The following KIAA1217 variants were observed in gnomAD, a reference collection of about 807,000 sequenced individuals.
KIAA1217 encodes sickle tail protein homolog.
In KIAA1217, 88 loss-of-function variants were observed where a neutral mutation model predicts 163.9. That is an observed-to-expected ratio of 0.54 (90% CI 0.45 to 0.64). KIAA1217 has a LOEUF of 0.64. Among genes scored for constraint, KIAA1217 ranks in the 30% least tolerant of loss-of-function variants. The pLI is 0.00. For synonymous variants in KIAA1217, 903 were observed against 923.1 expected (o/e 0.98, Z 0.39); for missense variants, 2,372 against 2,475.0 (o/e 0.96, Z 0.88).
At chr10:24,154,016 G>A (rs1348601387) in intron 2 of KIAA1217, among the ~76,000 whole-genome samples, 1 of 149,536 alleles carries the variant, frequency 6.7e-6, no homozygotes, top group Non-Finnish European at 1.5e-5. Context: ...GGAGTGCAGT[G>A]GCGGGATCTC....
At chr10:23,758,003 G>A (rs1205671318) in intron 1 of KIAA1217, among the ~76,000 whole-genome samples, 1 of 152,016 alleles carries the variant, frequency 6.6e-6, no homozygotes, top group African/African-American at 2.4e-5. Context: ...CATTCTGTGG[G>A]TTGTCTTTTT....
At chr10:24,063,415 C>G (rs1345412774) in intron 2 of KIAA1217, among the ~76,000 whole-genome samples, 20 of 152,108 alleles carry the variant, frequency 1.3e-4, no homozygotes, top group African/African-American at 1.7e-4. Context: ...CCCATTTCTT[C>G]TTTTTGTCAG....
At chr10:23,762,225 T>C (rs1011623161) in intron 1 of KIAA1217, among the ~76,000 whole-genome samples, 1 of 152,062 alleles carries the variant, frequency 6.6e-6, no homozygotes, top group African/African-American at 2.4e-5. Flanking sequence ...TCTGAAATGA[T>C]TCCAAACAAT....
rs181407434 is a variant in KIAA1217 at position 24,234,350 on chromosome 10, C to T, written c.354+14441C>T. On this transcript the variant is annotated intron_variant, in intron 2 of 20. Transcript: ENST00000376454. ...TAACAGTTACTCAACCTGTAATGAG[C>T]GTGTTTATTAGAAACTACATACATA... Among the ~76,000 whole-genome samples the T allele has an allele frequency of 3.8e-3, 583 of 151,984 alleles. 2 individuals carry two copies. The highest frequency in any genetic ancestry group is 0.013 in the African/African-American group (539 of 41,476).
At position 23,763,252 on chromosome 10, in the gene KIAA1217, G is replaced by GA. The variant is rs1834350701; in HGVS notation, c.-321+68024dup. ...ACCATTGGCATTCTTCACAGAATTA[G>GA]AAAAAACTATTTTAAATTTCATATG... On this transcript the variant is annotated intron_variant, in intron 1 of 18. Transcript: ENST00000376462. Among the ~76,000 whole-genome samples the GA allele has an allele frequency of 5.3e-5, 8 of 152,254 alleles. No individual in the cohort carries two copies. The South Asian group carries it at 1.7e-3, about 32-fold the overall frequency.
At chr10:23,987,732 T>C (rs1589192435) in intron 1 of KIAA1217, among the ~76,000 whole-genome samples, 1 of 152,274 alleles carries the variant, frequency 6.6e-6, no homozygotes, top group South Asian at 2.1e-4. Context: ...GTGCAATAGA[T>C]CTCTTGAACG....
At chr10:24,035,212 G>A (rs1443317029) in intron 2 of KIAA1217, among the ~76,000 whole-genome samples, 1 of 152,132 alleles carries the variant, frequency 6.6e-6, no homozygotes, top group Non-Finnish European at 1.5e-5. Context: ...AGATAATAAT[G>A]GTGTCTACCT....
rs865809351 is a variant in KIAA1217 at position 24,350,875 on chromosome 10, G to A, written c.355-29994G>A. On this transcript the variant is annotated intron_variant, in intron 2 of 20. Coordinates refer to ENST00000376454, the MANE Select transcript of KIAA1217 (RefSeq NM_019590.5). ...TGATAAGATCTTAATTGCAAGGGTC[G>A]TTTTCATGGTGGATCATACCTAATA... 4.6e-5 allele frequency among the ~76,000 whole-genome samples: 7 copies of A among 150,608 alleles called. No individual in the cohort carries two copies. In the East Asian group the frequency reaches 5.8e-4, roughly 13 times the overall value.
At chr10:24,533,488 T>C (rs559387046) in intron 16 of KIAA1217, among the ~76,000 whole-genome samples, 2 of 152,252 alleles carry the variant, frequency 1.3e-5, no homozygotes, top group Non-Finnish European at 2.9e-5. Context: ...GGCTGTAAAA[T>C]TGACTTTCCT....
intron 1 of KIAA1217, among the ~76,000 whole-genome samples, chr10:23,831,278 GC>G (rs1838181003): frequency 6.7e-6 from 1 of 150,166 alleles, no homozygotes; most frequent in Admixed American, 6.6e-5. Flanking sequence ...AAACTGAAAA[GC>G]TTTTACACAG....
chr10:23,841,343 G>A (rs1838770569), intron 1 of KIAA1217, among the ~76,000 whole-genome samples: 3 of 152,202 alleles, frequency 2.0e-5, no homozygotes, highest in Admixed American at 2.0e-4. Context: ...TCCTGTTCAA[G>A]AAACAGCAAG....
chr10:23,863,348 G>A (rs558583198), intron 1 of KIAA1217, among the ~76,000 whole-genome samples: 1 of 152,294 alleles, frequency 6.6e-6, no homozygotes, highest in African/African-American at 2.4e-5. Context: ...CCAAAATTCA[G>A]TGTTTCCATT....
intron 2 of KIAA1217, among the ~76,000 whole-genome samples, chr10:24,068,628 C>A (rs1235756441): frequency 6.6e-6 from 1 of 152,200 alleles, no homozygotes; most frequent in African/African-American, 2.4e-5. Context: ...ATGACATCAA[C>A]CCAGCTAAAA....
chr10:24,194,750 C>G (rs1397439705), intron 2 of KIAA1217, among the ~76,000 whole-genome samples: 1 of 148,632 alleles, frequency 6.7e-6, no homozygotes, highest in Non-Finnish European at 1.5e-5. Context: ...ATAGTCACAC[C>G]CAGCCAATTA....
chr10:24,317,779 C>T (rs2043587959), intron 2 of KIAA1217, among the ~76,000 whole-genome samples: 1 of 152,084 alleles, frequency 6.6e-6, no homozygotes. Flanking sequence ...CTAACAGCTC[C>T]GTTTATTAAG....
At chr10:24,431,911 A>T (rs1351560453) in intron 3 of KIAA1217, among the ~76,000 whole-genome samples, 1 of 152,140 alleles carries the variant, frequency 6.6e-6, no homozygotes, top group Non-Finnish European at 1.5e-5. Context: ...CTAGCACGAT[A>T]TGAACATTCA....
intron 5 of KIAA1217, chr10:24,449,574 A>G: frequency 1.0e-6 from 1 of 985,456 alleles, no homozygotes; most frequent in Non-Finnish European, 1.2e-6. Flanking sequence ...AATAGTTTTA[A>G]CAAGAGTGGA....
intron 1 of KIAA1217, among the ~76,000 whole-genome samples, chr10:23,802,601 A>G (rs963029110): frequency 5.3e-5 from 8 of 152,224 alleles, no homozygotes; most frequent in Non-Finnish European, 1.0e-4. Context: ...TAGTTGACCT[A>G]AAGCTATCCT....
At chr10:24,279,442 G>C (rs1564395182) in intron 2 of KIAA1217, among the ~76,000 whole-genome samples, 1 of 151,910 alleles carries the variant, frequency 6.6e-6, no homozygotes. Flanking sequence ...CTCAAGTGAA[G>C]ATATTATCAT....
Sources: gnomAD v4.1 joint callset for allele counts (sites outside exome capture counted in the v4.1 genomes callset) on GRCh38, gnomAD v4.1.1 for gene constraint, MANE v1.5 for transcripts, NCBI Gene and HGNC (gene_info 2026-07-23, HGNC 2026-07-21) for gene names.